CCND2: variants seen among roughly 807,000 people sequenced by gnomAD.
CCND2 encodes the protein G1/S-specific cyclin-D2.
A neutral mutation model predicts 30.2 loss-of-function variants in CCND2; 6 were observed. The ratio of observed to expected loss-of-function variants is 0.20; its 90% CI spans 0.11 to 0.39. CCND2 has a LOEUF of 0.39. Among genes scored for constraint, CCND2 ranks in the 10% least tolerant of loss-of-function variants. CCND2 has a pLI of 1.00. For missense variants in CCND2, 235 were observed against 373.4 expected (o/e 0.63, Z 3.06); for synonymous variants, 150 against 153.1 (o/e 0.98, Z 0.15).
chr12:4,290,187 C>T (rs1864079363), intron 4 of CCND2, among the ~76,000 whole-genome samples: 1 of 152,236 alleles, frequency 6.6e-6, no homozygotes, highest in South Asian at 2.1e-4. Flanking sequence ...GCTCGCCGGC[C>T]TCCTCGCCCG....
chr12:4,274,506 G>A lies in CCND2; in HGVS notation c.195+271G>A, dbSNP rs987399670. On this transcript the variant is annotated intron_variant, in intron 1 of 4. Transcript: ENST00000261254. This position sits in a 1 kb window ranked among gnomAD's most constrained non-coding sequence, Gnocchi z 7.7. ...GCATCCCGCGCGCGTGTTCCTGCAT[G>A]TGGCTGCCTCTTCTTCCCACCCCCC... Among the ~76,000 whole-genome samples the A allele has an allele frequency of 6.6e-6, 1 of 152,240 alleles. No homozygotes were observed. The highest frequency in any genetic ancestry group is 1.5e-5 in the Non-Finnish European group (1 of 68,048).
intron 4 of CCND2, among the ~76,000 whole-genome samples, chr12:4,297,566 G>A (rs1864188383): frequency 1.2e-5 from 1 of 81,800 alleles, no homozygotes; most frequent in Non-Finnish European, 2.3e-5. Flanking sequence ...GCAACACTCT[G>A]TCTCAAAAAA....
At chr12:4,288,537 T>G (rs903362264) in intron 3 of CCND2, among the ~76,000 whole-genome samples, 3 of 152,136 alleles carry the variant, frequency 2.0e-5, no homozygotes. Context: ...AACTCAGACA[T>G]GCTTAATATG....
chr12:4,278,395 C>T (rs1346389955), intron 2 of CCND2, among the ~76,000 whole-genome samples: 1 of 151,990 alleles, frequency 6.6e-6, no homozygotes, highest in Non-Finnish European at 1.5e-5. Context: ...CCACAATGAC[C>T]TTGGCCGTAT....
At chr12:4,286,229 A>G (rs2120553114) in intron 3 of CCND2, among the ~76,000 whole-genome samples, 1 of 152,360 alleles carries the variant, frequency 6.6e-6, no homozygotes, top group South Asian at 2.1e-4. Context: ...AAGGAGAACA[A>G]CAACAGAAAG....
chr12:4,278,058 GC>G (rs1863898249), intron 2 of CCND2, among the ~76,000 whole-genome samples: 1 of 152,196 alleles, frequency 6.6e-6, no homozygotes, highest in African/African-American at 2.4e-5. Context: ...CCCTCACCTT[GC>G]CCCAGATCAC....
intron 4 of CCND2, among the ~76,000 whole-genome samples, chr12:4,292,594 T>G (rs1361622852): frequency 1.3e-5 from 2 of 152,172 alleles, no homozygotes; most frequent in Non-Finnish European, 2.9e-5. Context: ...TGTTGCTCCG[T>G]CTGGTTGCCA....
intron 3 of CCND2, among the ~76,000 whole-genome samples, chr12:4,288,013 A>G (rs1864046703): frequency 6.6e-6 from 1 of 152,198 alleles, no homozygotes; most frequent in Non-Finnish European, 1.5e-5. Context: ...TGGGGCCTTC[A>G]GTCTCATGAG....
intron 4 of CCND2, chr12:4,297,789 T>C (rs1264163015): frequency 2.3e-5 from 10 of 443,566 alleles, no homozygotes; most frequent in Non-Finnish European, 3.6e-5. Flanking sequence ...GGGTAAGGGA[T>C]GTAACCAGGA....
Position 4,278,899 on chromosome 12 carries a change from T to G in CCND2, c.551T>G (p.Phe184Cys). ...CTGATCCGCAAGCATGCTCAGACCT[T>G]CATTGCTCTGTGTGCCACCGGTAAG... ...LSLIRKHAQTFIALCATDFKF... is the reference protein window; with the variant it reads ...LSLIRKHAQTCIALCATDFKF... Residue 184 changes from phenylalanine to cysteine, a missense_variant, in exon 3 of 5, where the codon TTC becomes TGC. This residue lies in a region of CCND2 where 178 missense variants were observed against 322.8 expected (regional missense o/e 0.55). Coordinates refer to ENST00000261254, the MANE Select transcript of CCND2 (RefSeq NM_001759.4). The G allele has an allele frequency of 6.2e-7, 1 of 1,613,614 alleles. No homozygotes were observed. Among genetic ancestry groups the G allele is most frequent in the Non-Finnish European group, 8.5e-7 (1 of 1,179,808 alleles).
chr12:4,290,998 G>A lies in CCND2; in HGVS notation c.720+2008G>A, dbSNP rs114185851. 5.9e-3 allele frequency among the ~76,000 whole-genome samples: 897 copies of A among 152,262 alleles called. 8 individuals are homozygous for A. The highest frequency in any genetic ancestry group is 0.021 in the African/African-American group (857 of 41,530). On this transcript the variant is annotated intron_variant, in intron 4 of 4. Coordinates refer to ENST00000261254, the MANE Select transcript of CCND2 (RefSeq NM_001759.4). ...GTTTCCTAACTGGGGCTGCCTGTGT[G>A]TGCCTCATTCACACCGGTGGACCTG...
intron 3 of CCND2, 122 bp downstream of exon 3, chr12:4,279,041 G>C (rs1268067085): frequency 5.3e-6 from 5 of 944,278 alleles, no homozygotes; most frequent in Non-Finnish European, 6.2e-6. Context: ...GGGTGGTCTT[G>C]AGTAGTCTAA....
chr12:4,296,833 A>C (rs1415784231), intron 4 of CCND2, among the ~76,000 whole-genome samples: 1 of 152,236 alleles, frequency 6.6e-6, no homozygotes, highest in African/African-American at 2.4e-5. Flanking sequence ...ACAAAACAAA[A>C]AAACAGAGAA....
At chr12:4,291,659 T>A (rs576659935) in intron 4 of CCND2, among the ~76,000 whole-genome samples, 1 of 152,238 alleles carries the variant, frequency 6.6e-6, no homozygotes, top group Non-Finnish European at 1.5e-5. Context: ...AAGGAGCTCA[T>A]CAGGCCTAAC....
In CCND2 at chr12:4,304,233, T is replaced by C. The variant is rs1368729310; in HGVS notation, c.*4224T>C. 1 of 233,624 alleles carries C rather than the reference T, an allele frequency of 4.3e-6. No individual in the cohort carries two copies. The highest frequency in any genetic ancestry group is 8.5e-6 in the Non-Finnish European group (1 of 118,018). 14.5% of individuals were successfully genotyped at this position (233,624 alleles called of 1,614,324 possible). A position where few individuals can be genotyped will look rare whatever the true frequency, so the allele number is the denominator to read the frequency against. On this transcript the variant is annotated 3_prime_UTR_variant, in exon 5 of 5. Transcript: ENST00000261254. The surrounding 1 kb of genome is among the most constrained non-coding windows in gnomAD (Gnocchi z 6.2). ...GAAGATAATATTGGTAGTGTGGGAA[T>C]TGGAGGTAGGAAGGGGAGGAAGTCT... is the stretch of plus-strand genomic sequence containing the variant.
intron 4 of CCND2, among the ~76,000 whole-genome samples, chr12:4,296,705 GA>G (rs58907719): frequency 0.28 from 34,635 of 125,428 alleles, 5,734 homozygotes; most frequent in East Asian, 0.76. Context: ...GCCTCTTGGG[GA>G]AAAAAAAAAA....
intron 4 of CCND2, among the ~76,000 whole-genome samples, chr12:4,295,089 C>T (rs1193125812): frequency 6.6e-6 from 1 of 152,222 alleles, no homozygotes; most frequent in African/African-American, 2.4e-5. Context: ...TTTATATGCC[C>T]TTCCCAAGTC....
Position 4,305,264 on chromosome 12 carries a change from GTT to G in CCND2, c.*5258_*5259del. 4.3e-6 allele frequency: 1 copy of G among 231,466 alleles called. No homozygotes were observed. Among genetic ancestry groups the G allele is most frequent in the Non-Finnish European group, 8.5e-6 (1 of 116,980 alleles). The allele number at this position is 231,466 out of a possible 1,614,324, so 14.3% of individuals were successfully genotyped here. On this transcript the variant is annotated 3_prime_UTR_variant, in exon 5 of 5. Coordinates refer to ENST00000261254, the MANE Select transcript of CCND2 (RefSeq NM_001759.4). The surrounding 1 kb of genome is among the most constrained non-coding windows in gnomAD (Gnocchi z 6.4). Reference sequence around the variant, plus strand: ...AAGTGATTTAAAAAAATAATAACCTGTTTTCTGACTAGTTTAAAGATGGATTT... The same window carrying G: ...AAGTGATTTAAAAAAATAATAACCTGTTCTGACTAGTTTAAAGATGGATTT...
chr12:4,283,358 T>C (rs888354412), intron 3 of CCND2, among the ~76,000 whole-genome samples: 18 of 152,146 alleles, frequency 1.2e-4, no homozygotes, highest in African/African-American at 3.9e-4. Context: ...CTTCTCCCAC[T>C]TCCGACGTGA....
Sources: gnomAD v4.1 joint callset for allele counts (sites outside exome capture counted in the v4.1 genomes callset) on GRCh38, gnomAD v4.1.1 for gene constraint, gnomAD v4.1.1 regional missense constraint, Gnocchi (gnomAD v3.1) non-coding constraint, MANE v1.5 for transcripts, NCBI Gene and HGNC (gene_info 2026-07-23, HGNC 2026-07-21) for gene names.